The following TRPM3 variants were observed in gnomAD, a reference collection of about 807,000 sequenced individuals.
TRPM3 encodes transient receptor potential cation channel subfamily M member 3, also known as long transient receptor potential channel 3.
Under a neutral mutation model 181.2 loss-of-function variants are expected in TRPM3, and 77 were observed. The ratio of observed to expected loss-of-function variants is 0.42; its 90% CI spans 0.35 to 0.51. The LOEUF is 0.51. TRPM3 is among the 20% of genes least tolerant of loss of function. The probability of loss-of-function intolerance (pLI) is 0.01; values close to 1 mark genes in which losing one functional copy is unlikely to be tolerated. For synonymous variants in TRPM3, 745 were observed against 796.4 expected (o/e 0.94, Z 1.09); for missense variants, 1,759 against 2,196.7 (o/e 0.80, Z 3.98).
chr9:70,993,263 A>G (rs185223707), intron 1 of TRPM3, among the ~76,000 whole-genome samples: 58 of 152,336 alleles, frequency 3.8e-4, no homozygotes, highest in African/African-American at 1.2e-3. Context: ...TGACTGTGGA[A>G]TGGAAACCAG....
At chr9:70,820,113 C>T (rs553890267) in intron 6 of TRPM3, among the ~76,000 whole-genome samples, 1 of 152,262 alleles carries the variant, frequency 6.6e-6, no homozygotes, top group South Asian at 2.1e-4. Flanking sequence ...ACTGATACAG[C>T]TTGGATTTTT....
At chr9:70,782,808 G>C (rs1040442932) in intron 7 of TRPM3, among the ~76,000 whole-genome samples, 1 of 151,812 alleles carries the variant, frequency 6.6e-6, no homozygotes, top group Non-Finnish European at 1.5e-5. Context: ...TGGTTTCAGA[G>C]CTTTCGGGTT....
intron 1 of TRPM3, among the ~76,000 whole-genome samples, chr9:71,323,015 T>G (rs930058455): frequency 6.6e-6 from 1 of 152,142 alleles, no homozygotes; most frequent in East Asian, 1.9e-4. Context: ...TTTGTTAAAT[T>G]TTAAAAAAGA....
chr9:70,789,382 C>T (rs1249660670), intron 6 of TRPM3, among the ~76,000 whole-genome samples: 1 of 152,132 alleles, frequency 6.6e-6, no homozygotes, highest in Non-Finnish European at 1.5e-5. Context: ...TCAGCTAAAC[C>T]TACTGGTCAT....
chr9:70,569,201 A>G (rs2051487956), intron 22 of TRPM3, among the ~76,000 whole-genome samples: 1 of 152,176 alleles, frequency 6.6e-6, no homozygotes, highest in Non-Finnish European at 1.5e-5. Context: ...TGTCTTGTTT[A>G]TCCTGCATCT....
intron 1 of TRPM3, among the ~76,000 whole-genome samples, chr9:70,873,340 C>T (rs2095820930): frequency 6.6e-6 from 1 of 151,954 alleles, no homozygotes; most frequent in Admixed American, 6.6e-5. Context: ...GTGTTCTTTC[C>T]AAAACAATCA....
intron 1 of TRPM3, among the ~76,000 whole-genome samples, chr9:71,186,899 T>C (rs1254520953): frequency 6.6e-6 from 1 of 151,798 alleles, no homozygotes; most frequent in Non-Finnish European, 1.5e-5. Flanking sequence ...TGTCATGGAG[T>C]TTTAAACAGA....
chr9:71,058,353 AG>A (rs775994703), intron 1 of TRPM3, among the ~76,000 whole-genome samples: 1 of 152,014 alleles, frequency 6.6e-6, no homozygotes, highest in African/African-American at 2.4e-5. Flanking sequence ...TATGGGAATT[AG>A]GAAGCCAAAC....
intron 1 of TRPM3, among the ~76,000 whole-genome samples, chr9:70,897,586 T>G (rs1423516817): frequency 6.6e-6 from 1 of 152,076 alleles, no homozygotes; most frequent in Non-Finnish European, 1.5e-5. Flanking sequence ...CTAGGCTGAG[T>G]TTTGAAGAGA....
intron 1 of TRPM3, among the ~76,000 whole-genome samples, chr9:71,301,612 A>G (rs776216655): frequency 8.5e-5 from 13 of 152,190 alleles, no homozygotes; most frequent in Non-Finnish European, 1.3e-4. Context: ...TTTTAAAGAT[A>G]TCACATATCA....
chr9:70,901,745 A>T (rs1413858791), intron 1 of TRPM3, among the ~76,000 whole-genome samples: 8 of 152,222 alleles, frequency 5.3e-5, no homozygotes, highest in Admixed American at 5.2e-4. Context: ...TTTTGATGCT[A>T]CTCAATGGCA....
At chr9:71,222,173 GAATGAATGACTAA>G (rs1467079565) in intron 1 of TRPM3, among the ~76,000 whole-genome samples, 5 of 152,168 alleles carry the variant, frequency 3.3e-5, no homozygotes, top group Non-Finnish European at 4.4e-5. Context: ...ATGACTGACT[GAATGAATGACTAA>G]AAATATAATA....
At chr9:70,611,176 G>A (rs1186613285) in intron 18 of TRPM3, among the ~76,000 whole-genome samples, 1 of 152,150 alleles carries the variant, frequency 6.6e-6, no homozygotes, top group Admixed American at 6.5e-5. Context: ...GACCCTTAAA[G>A]GTAAATTGGA....
At chr9:71,391,984 A>G (rs1176050898) in intron 1 of TRPM3, among the ~76,000 whole-genome samples, 1 of 152,114 alleles carries the variant, frequency 6.6e-6, no homozygotes, top group Non-Finnish European at 1.5e-5. Context: ...AGTTATTTCT[A>G]TGGGCTACAG....
At chr9:70,684,874 G>A (rs1035233750) in intron 8 of TRPM3, among the ~76,000 whole-genome samples, 2 of 152,194 alleles carry the variant, frequency 1.3e-5, no homozygotes, top group Admixed American at 1.3e-4. Context: ...GGGTATTAGA[G>A]TTACGCTAAC....
At chr9:70,603,221 A>T in intron 20 of TRPM3, 121 bp downstream of exon 20, 1 of 1,210,312 alleles carries the variant, frequency 8.3e-7, no homozygotes, top group Non-Finnish European at 1.2e-6. Flanking sequence ...CAGCTGTGGT[A>T]GAGTTAGAGA....
At chr9:71,382,694 T>TA (rs536946820) in intron 1 of TRPM3, among the ~76,000 whole-genome samples, 72 of 151,992 alleles carry the variant, frequency 4.7e-4, no homozygotes, top group African/African-American at 1.7e-3. Context: ...TAGTCTTTTT[T>TA]TTTTTTGCAC....
Position 71,121,492 on chromosome 9 carries a change from T to C in TRPM3, c.-138A>G. Reference sequence around the variant, plus strand: ...TCCCCTCTCTCTGCAGCCGTGCTCATGCATACCAAATGTGGCTGAATGGAG... The same window carrying C: ...TCCCCTCTCTCTGCAGCCGTGCTCACGCATACCAAATGTGGCTGAATGGAG... On this transcript the variant is annotated 5_prime_UTR_variant, in exon 1 of 26. It removes an upstream start codon present in the reference 5' UTR. Coordinates refer to ENST00000677713, the MANE Select transcript of TRPM3 (RefSeq NM_001366145.2). 1 of 1,431,842 alleles carries C rather than the reference T, an allele frequency of 7.0e-7. No individual in the cohort carries two copies. Among genetic ancestry groups the C allele is most frequent in the Non-Finnish European group, 9.1e-7 (1 of 1,097,574 alleles). 88.7% of individuals were successfully genotyped at this position (1,431,842 alleles called of 1,614,324 possible). A position where few individuals can be genotyped will look rare whatever the true frequency, so the allele number is the denominator to read the frequency against.
At chr9:71,113,345 A>T (rs1035706965) in intron 1 of TRPM3, among the ~76,000 whole-genome samples, 2 of 152,214 alleles carry the variant, frequency 1.3e-5, no homozygotes, top group Non-Finnish European at 2.9e-5. Flanking sequence ...GGCAAAAGGC[A>T]CAAACCCAGG....
Sources: allele counts gnomAD v4.1 joint callset (sites outside exome capture counted in the v4.1 genomes callset), GRCh38; gene constraint gnomAD v4.1.1; transcripts MANE v1.5; gene names NCBI Gene and HGNC (gene_info 2026-07-23, HGNC 2026-07-21).